Variants in AGBL4 observed in about 807,000 individuals in gnomAD.
AGBL4 encodes the protein AGBL carboxypeptidase 4.
A neutral mutation model predicts 66.4 loss-of-function variants in AGBL4; 58 were observed. That is an observed-to-expected ratio of 0.87 (90% CI 0.71 to 1.09). The LOEUF (loss-of-function observed/expected upper bound fraction) is 1.09. Among genes scored for constraint, AGBL4 ranks in the 50% least tolerant of loss-of-function variants. The probability of loss-of-function intolerance (pLI) is 0.00; values close to 1 mark genes in which losing one functional copy is unlikely to be tolerated. For synonymous variants in AGBL4, 234 were observed against 222.9 expected (o/e 1.05, Z -0.44); for missense variants, 579 against 631.0 (o/e 0.92, Z 0.88).
chr1:49,067,998 C>T (rs1360488591), intron 4 of AGBL4, among the ~76,000 whole-genome samples: 3 of 148,398 alleles, frequency 2.0e-5, no homozygotes, highest in South Asian at 2.2e-4. Context: ...TGAGTGAGAA[C>T]AGAGCATAAG....
chr1:49,161,760 G>C (rs1646546249), intron 4 of AGBL4, among the ~76,000 whole-genome samples: 1 of 152,010 alleles, frequency 6.6e-6, no homozygotes, highest in Non-Finnish European at 1.5e-5. Context: ...TCTTCACACT[G>C]AAGTCTGTCC....
chr1:49,136,700 C>T (rs962403826), intron 4 of AGBL4, among the ~76,000 whole-genome samples: 3 of 151,972 alleles, frequency 2.0e-5, no homozygotes, highest in African/African-American at 7.2e-5. Flanking sequence ...ATGACAAATA[C>T]AATAAATTAA....
At chr1:48,667,448 G>A (rs2148462050) in intron 6 of AGBL4, among the ~76,000 whole-genome samples, 1 of 152,342 alleles carries the variant, frequency 6.6e-6, no homozygotes, top group African/African-American at 2.4e-5. Flanking sequence ...ATTTGGAAGA[G>A]GATCCTGCAG....
At chr1:48,579,119 A>G (rs1644697351) in intron 11 of AGBL4, among the ~76,000 whole-genome samples, 1 of 152,154 alleles carries the variant, frequency 6.6e-6, no homozygotes, top group South Asian at 2.1e-4. Flanking sequence ...CCTTATACTC[A>G]ATATATTACA....
At chr1:49,913,826 T>C (rs557628137) in intron 1 of AGBL4, among the ~76,000 whole-genome samples, 14 of 152,324 alleles carry the variant, frequency 9.2e-5, no homozygotes, top group Middle Eastern at 3.4e-3. Flanking sequence ...CTGTGCCTAC[T>C]TGAGCCACAA....
At chr1:48,589,589 C>T (rs536241654) in intron 10 of AGBL4, among the ~76,000 whole-genome samples, 4 of 152,288 alleles carry the variant, frequency 2.6e-5, no homozygotes, top group African/African-American at 9.6e-5. Context: ...ATTGCTTTTG[C>T]TATGAGTTTT....
rs78888851 is a variant in AGBL4 at position 48,810,837 on chromosome 1, G to A, written c.634+56354C>T. On this transcript the variant is annotated intron_variant, in intron 6 of 13. Transcript: ENST00000371839. The stretch of plus-strand genomic sequence containing the variant: ...GCAACCAGTTCAGAGCTGCTTGCTC[G>A]TTTATTTTATTTGTTTCCCTTTTAA... Among the ~76,000 whole-genome samples the A allele has an allele frequency of 2.6e-4, 39 of 152,202 alleles. No individual in the cohort carries two copies. In the East Asian group the frequency reaches 4.8e-3, roughly 19 times the overall value.
At chr1:49,044,058 T>C (rs1644014067) in intron 5 of AGBL4, among the ~76,000 whole-genome samples, 1 of 152,156 alleles carries the variant, frequency 6.6e-6, no homozygotes, top group Non-Finnish European at 1.5e-5. Context: ...AATCCACACT[T>C]TTTGAAGAGT....
At chr1:49,573,676 G>A (rs1332001642) in intron 3 of AGBL4, among the ~76,000 whole-genome samples, 1 of 152,158 alleles carries the variant, frequency 6.6e-6, no homozygotes, top group Non-Finnish European at 1.5e-5. Context: ...AGAAAGAGCT[G>A]AAACTGGAAA....
intron 3 of AGBL4, among the ~76,000 whole-genome samples, chr1:49,350,150 T>A (rs1186073856): frequency 1.3e-5 from 2 of 152,186 alleles, no homozygotes; most frequent in Non-Finnish European, 2.9e-5. Context: ...AATACTTAGA[T>A]GGAAGTATTT....
chr1:49,510,410 G>A (rs1649111487), intron 3 of AGBL4, among the ~76,000 whole-genome samples: 1 of 150,684 alleles, frequency 6.6e-6, no homozygotes, highest in Admixed American at 6.6e-5. Flanking sequence ...CATGTCCTTT[G>A]CCCACTTTTT....
At chr1:49,753,129 T>C (rs544502598) in intron 2 of AGBL4, among the ~76,000 whole-genome samples, 4 of 152,342 alleles carry the variant, frequency 2.6e-5, no homozygotes, top group Admixed American at 2.6e-4. Flanking sequence ...GCTGGTTACT[T>C]TGCCCATTAC....
intron 1 of AGBL4, among the ~76,000 whole-genome samples, chr1:49,934,654 A>T (rs972923204): frequency 2.6e-5 from 4 of 152,212 alleles, no homozygotes; most frequent in Admixed American, 2.6e-4. Context: ...ATGCAACAAA[A>T]GTGGTTCTCA....
intron 1 of AGBL4, among the ~76,000 whole-genome samples, chr1:50,011,334 T>C (rs1341924533): frequency 6.6e-6 from 1 of 152,178 alleles, no homozygotes; most frequent in East Asian, 1.9e-4. Flanking sequence ...ACTACAATGA[T>C]ATATCATCTC....
At chr1:48,565,223 G>A (rs757659366) in intron 11 of AGBL4, among the ~76,000 whole-genome samples, 2 of 152,156 alleles carry the variant, frequency 1.3e-5, no homozygotes, top group Admixed American at 6.5e-5. Flanking sequence ...TCTCCCAAGA[G>A]CTTGATCCAC....
intron 6 of AGBL4, among the ~76,000 whole-genome samples, chr1:48,754,092 C>T (rs1652152971): frequency 1.3e-5 from 2 of 152,298 alleles, no homozygotes; most frequent in East Asian, 1.9e-4. Flanking sequence ...TTACCCGAGT[C>T]ACACCACAAT....
chr1:49,858,500 T>G (rs1212765350), intron 1 of AGBL4, among the ~76,000 whole-genome samples: 2 of 152,038 alleles, frequency 1.3e-5, no homozygotes, highest in African/African-American at 4.8e-5. Flanking sequence ...ATTGTTTAAA[T>G]ATTATATAAA....
chr1:48,775,678 A>G (rs1373599929), intron 6 of AGBL4, among the ~76,000 whole-genome samples: 1 of 152,198 alleles, frequency 6.6e-6, no homozygotes, highest in African/African-American at 2.4e-5. Context: ...TTACAAAGGA[A>G]AAGGTGTCTC....
At chr1:49,952,302 T>C (rs1656229249) in intron 1 of AGBL4, among the ~76,000 whole-genome samples, 1 of 151,722 alleles carries the variant, frequency 6.6e-6, no homozygotes, top group Non-Finnish European at 1.5e-5. Context: ...AATCATAACA[T>C]GTAGTGGGGA....
Sources: allele counts gnomAD v4.1 joint callset (sites outside exome capture counted in the v4.1 genomes callset), GRCh38; gene constraint gnomAD v4.1.1; transcripts MANE v1.5; gene names NCBI Gene and HGNC (gene_info 2026-07-23, HGNC 2026-07-21).